The following RCBTB1 variants were observed in gnomAD, a reference collection of about 807,000 sequenced individuals.
RCBTB1 encodes the protein RCC1 and BTB domain-containing protein 1.
RCBTB1 carries 46 observed loss-of-function variants against 62.4 expected under a neutral mutation model. The observed-to-expected ratio is 0.74, with a 90% CI of 0.58 to 0.94. The LOEUF (loss-of-function observed/expected upper bound fraction) is 0.94, where lower values mean the gene tolerates loss of function less well. Among genes scored for constraint, RCBTB1 ranks in the 40% least tolerant of loss-of-function variants. The pLI, the probability that RCBTB1 is intolerant of heterozygous loss-of-function variation, is 0.00. For synonymous variants in RCBTB1, 222 were observed against 245.8 expected (o/e 0.90, Z 0.91); for missense variants, 565 against 654.9 (o/e 0.86, Z 1.50).
At chr13:49,543,102 A>C (rs1388499923) in intron 10 of RCBTB1, among the ~76,000 whole-genome samples, 1 of 152,128 alleles carries the variant, frequency 6.6e-6, no homozygotes, top group Admixed American at 6.6e-5. Flanking sequence ...GTCTCTACTT[A>C]AAATACAAAA....
intron 4 of RCBTB1, among the ~76,000 whole-genome samples, chr13:49,564,887 T>G (rs1269006952): frequency 7.4e-6 from 1 of 134,690 alleles, no homozygotes. Context: ...AGAGACTCCG[T>G]CTCAAAAAAA....
intron 2 of RCBTB1, among the ~76,000 whole-genome samples, chr13:49,578,069 A>G (rs968922088): frequency 6.6e-6 from 1 of 152,236 alleles, no homozygotes; most frequent in Admixed American, 6.5e-5. Context: ...ATTGTATGCT[A>G]ATGTGAACAA....
Position 49,559,999 on chromosome 13 carries a change from G to A in RCBTB1, c.363C>T (p.Val121=), listed in dbSNP as rs751946246. ...TTNQGIAPVQ[V]CTNLLIKQVV... ...CTTGCTTGATCAAGAGATTGGTACA[G>A]ACCTGGACGGGAGCAATGCCTTGGT... The change falls in exon 5 of 13, where the codon GTC becomes GTT. Residue 121 remains valine (V), a synonymous_variant. Transcript: ENST00000378302. 1.2e-5 allele frequency: 20 copies of A among 1,614,154 alleles called. No homozygotes were observed. In the South Asian group the frequency reaches 1.9e-4, roughly 15 times the overall value.
chr13:49,534,732 C>A (rs1959804101), intron 12 of RCBTB1, among the ~76,000 whole-genome samples: 1 of 152,126 alleles, frequency 6.6e-6, no homozygotes, highest in Non-Finnish European at 1.5e-5. Flanking sequence ...CCTAAAGTGG[C>A]ACATTAAAAA....
chr13:49,567,410 G>C (rs923242272), intron 2 of RCBTB1, 90 bp from the exon 3 acceptor site: 3 of 903,130 alleles, frequency 3.3e-6, no homozygotes, highest in Non-Finnish European at 5.0e-6. Flanking sequence ...ACTAACAAAA[G>C]CTGATTCTAG....
At chr13:49,569,984 G>A (rs1279067771) in intron 2 of RCBTB1, among the ~76,000 whole-genome samples, 1 of 152,128 alleles carries the variant, frequency 6.6e-6, no homozygotes, top group Non-Finnish European at 1.5e-5. Flanking sequence ...AAAACAGATG[G>A]AGAAAGGAGT....
At chr13:49,551,220 T>C in intron 8 of RCBTB1, 106 bp downstream of exon 8, 1 of 1,314,684 alleles carries the variant, frequency 7.6e-7, no homozygotes, top group Non-Finnish European at 1.0e-6. Flanking sequence ...AAAATGAGAA[T>C]GTTAATAAAC....
chr13:49,555,897 T>C (rs1961820160), intron 5 of RCBTB1, among the ~76,000 whole-genome samples: 1 of 152,202 alleles, frequency 6.6e-6, no homozygotes, highest in African/African-American at 2.4e-5. Flanking sequence ...GTTTTATACA[T>C]GGAAACTGAA....
chr13:49,546,243 C>T (rs1420542552), intron 9 of RCBTB1: 6 of 985,310 alleles, frequency 6.1e-6, no homozygotes, highest in African/African-American at 1.7e-5. Flanking sequence ...AAGTATAGTA[C>T]ATCCTTTCAG....
In RCBTB1 at chr13:49,534,171, A is replaced by G. The variant is rs1334847487; in HGVS notation, c.1547T>C (p.Leu516Pro). The G allele has an allele frequency of 6.2e-7, 1 of 1,614,220 alleles. No homozygotes were observed. The highest frequency in any genetic ancestry group is 1.1e-5 in the South Asian group (1 of 91,086). ...AAFWQMDGPL[L>P]KEFIAKASKC... is the part of the protein sequence containing the mutation. ...ACTGGCTTTAGCAATGAATTCCTTT[A>G]GCAGAGGGCCATCCATTTGCCAAAA... The change falls in exon 13 of 13, where the codon CTA becomes CCA. Residue 516 changes from leucine (L) to proline (P), a missense_variant. Leu to Pro is a moderately conservative substitution (Grantham distance 98). Coordinates refer to ENST00000378302, the MANE Select transcript of RCBTB1 (RefSeq NM_018191.4).
intron 8 of RCBTB1, chr13:49,550,298 CT>C (rs1332032427): frequency 3.6e-6 from 1 of 274,012 alleles, no homozygotes; most frequent in African/African-American, 2.3e-5. Context: ...ATAAATGTAA[CT>C]TTTTCTCTCA....
chr13:49,551,690 G>T (rs1028742155), intron 7 of RCBTB1, among the ~76,000 whole-genome samples: 21 of 152,176 alleles, frequency 1.4e-4, no homozygotes, highest in African/African-American at 5.1e-4. Flanking sequence ...CACAAGGTCA[G>T]GAGATTGAGA....
At chr13:49,567,792 A>G (rs1231194744) in intron 2 of RCBTB1, among the ~76,000 whole-genome samples, 2 of 152,208 alleles carry the variant, frequency 1.3e-5, no homozygotes, top group Non-Finnish European at 2.9e-5. Context: ...AGCCCCAGGT[A>G]TCATACCACA....
chr13:49,539,109 G>A (rs376725258), intron 12 of RCBTB1, among the ~76,000 whole-genome samples: 114 of 151,678 alleles, frequency 7.5e-4, no homozygotes, highest in South Asian at 5.4e-3. Context: ...ATCTCAAGTG[G>A]CCCACCTTGG....
At chr13:49,576,780 A>G (rs1963813923) in intron 2 of RCBTB1, among the ~76,000 whole-genome samples, 1 of 152,300 alleles carries the variant, frequency 6.6e-6, no homozygotes, top group Non-Finnish European at 1.5e-5. Flanking sequence ...CTGAAAAACA[A>G]TATTAATGTG....
intron 10 of RCBTB1, 103 bp downstream of exon 10, chr13:49,544,634 T>C: frequency 1.1e-6 from 1 of 920,768 alleles, no homozygotes; most frequent in East Asian, 2.5e-5. Flanking sequence ...AGTAGTGACA[T>C]TTCTCTCTAC....
intron 4 of RCBTB1, among the ~76,000 whole-genome samples, chr13:49,564,426 A>T (rs921741701): frequency 1.3e-5 from 2 of 151,320 alleles, no homozygotes; most frequent in Non-Finnish European, 2.9e-5. Context: ...CTCTACTAAA[A>T]GTACAAAAAT....
At chr13:49,550,507 A>G in intron 8 of RCBTB1, 1 of 654,338 alleles carries the variant, frequency 1.5e-6, no homozygotes, top group Non-Finnish European at 1.9e-6. Context: ...AGGCTGAACA[A>G]CATCAAGCAT....
chr13:49,553,663 C>T (rs1326634085), intron 6 of RCBTB1, among the ~76,000 whole-genome samples: 2 of 152,132 alleles, frequency 1.3e-5, no homozygotes, highest in African/African-American at 4.8e-5. Flanking sequence ...TCGAGCCCCA[C>T]AGCAATGTAG....
Sources: gnomAD v4.1 joint callset for allele counts (sites outside exome capture counted in the v4.1 genomes callset) on GRCh38, gnomAD v4.1.1 for gene constraint, MANE v1.5 for transcripts, NCBI Gene and HGNC (gene_info 2026-07-23, HGNC 2026-07-21) for gene names.